Variants in FAM163A observed in about 807,000 individuals in gnomAD.
The protein encoded by FAM163A is protein FAM163A.
Under a neutral mutation model 12.0 loss-of-function variants are expected in FAM163A, and 7 were observed. The ratio of observed to expected loss-of-function variants is 0.58; its 90% CI spans 0.33 to 1.10. The LOEUF is 1.10. Ranked by LOEUF, FAM163A falls within the 50% of genes least tolerant of loss-of-function variation. FAM163A has a pLI of 0.03. For missense variants in FAM163A, 202 were observed against 218.6 expected (o/e 0.92, Z 0.48); for synonymous variants, 101 against 91.0 (o/e 1.11, Z -0.62).
rs1695210295 is a variant in FAM163A at position 179,815,114 on chromosome 1, GACACACACACA to G, written c.*926_*936del. The G allele has an allele frequency of 7.7e-6, 1 of 129,872 alleles. No homozygotes were observed. The highest frequency in any genetic ancestry group is 3.8e-5 in the African/African-American group (1 of 26,556). The allele number at this position is 129,872 out of a possible 1,614,324, so 8.0% of individuals were successfully genotyped here. A position where few individuals can be genotyped will look rare whatever the true frequency, so the allele number is the denominator to read the frequency against. On this transcript the variant is annotated 3_prime_UTR_variant, in exon 5 of 5. Coordinates refer to ENST00000341785, the MANE Select transcript of FAM163A (RefSeq NM_173509.3). ...GTACGCACGCGCGCGCGCGCGCACA[GACACACACACA>G]CACACACACACACACACACACACAC...
intron 1 of FAM163A, among the ~76,000 whole-genome samples, chr1:179,753,756 T>G (rs186983190): frequency 6.6e-6 from 1 of 152,256 alleles, no homozygotes; most frequent in East Asian, 1.9e-4. Context: ...AAGAAGTTTA[T>G]TTTAGAGTGC....
At chr1:179,750,358 G>T (rs1685102516) in intron 1 of FAM163A, among the ~76,000 whole-genome samples, 1 of 152,194 alleles carries the variant, frequency 6.6e-6, no homozygotes, top group Admixed American at 6.5e-5. Flanking sequence ...TAAAGTGGAG[G>T]TGCATGGTAT....
In FAM163A at chr1:179,780,637, C is replaced by T. The variant is rs562514961; in HGVS notation, c.-135-27161C>T. Among the ~76,000 whole-genome samples the T allele has an allele frequency of 2.6e-5, 4 of 152,244 alleles. No individual in the cohort carries two copies. In the South Asian group the frequency reaches 8.3e-4, roughly 32 times the overall value. ...TGCTGAATCAGAAACTTGGGTGGGGCCGGCAATGCACATTTTAACAGGTCC... is the reference window on the plus strand; with the variant it reads ...TGCTGAATCAGAAACTTGGGTGGGGTCGGCAATGCACATTTTAACAGGTCC... On this transcript the variant is annotated intron_variant, in intron 1 of 4. Transcript: ENST00000341785.
In FAM163A at chr1:179,766,916, C is replaced by T. The variant is rs188127872; in HGVS notation, c.-136+23493C>T. 1.1e-4 allele frequency among the ~76,000 whole-genome samples: 16 copies of T among 152,184 alleles called. No homozygotes were observed. In the East Asian group the frequency reaches 1.9e-3, roughly 18 times the overall value. ...GATTACAGGCACATGCCACCACGCTCGGCTAATTTTTATCTTTTTAGTAGA... is the reference window on the plus strand; with the variant it reads ...GATTACAGGCACATGCCACCACGCTTGGCTAATTTTTATCTTTTTAGTAGA... On this transcript the variant is annotated intron_variant, in intron 1 of 4. Coordinates refer to ENST00000341785, the MANE Select transcript of FAM163A (RefSeq NM_173509.3).
chr1:179,810,800 A>AGGCGGGTGGATCACCCACCTT (rs1694603332), intron 2 of FAM163A, among the ~76,000 whole-genome samples: 1 of 152,182 alleles, frequency 6.6e-6, no homozygotes. Context: ...TGGGAGGCCA[A>AGGCGGGTGGATCACCCACCTT]GGCGGGTGGA....
chr1:179,776,603 C>T (rs991958368), intron 1 of FAM163A, among the ~76,000 whole-genome samples: 9 of 152,214 alleles, frequency 5.9e-5, no homozygotes, highest in Admixed American at 2.6e-4. Flanking sequence ...GTGTGTGTAT[C>T]GGCCCTGAGA....
At chr1:179,764,898 T>A (rs1251490392) in intron 1 of FAM163A, among the ~76,000 whole-genome samples, 1 of 152,196 alleles carries the variant, frequency 6.6e-6, no homozygotes, top group Admixed American at 6.5e-5. Flanking sequence ...TATAAAGCCA[T>A]ACGTGAAATG....
chr1:179,731,668 C>A, the FAM163A span, among the ~76,000 whole-genome samples: 1 of 152,154 alleles, frequency 6.6e-6, no homozygotes. Flanking sequence ...CTAAGCATTG[C>A]CAAACTGCAG....
chr1:179,730,663 C>A, the FAM163A span, among the ~76,000 whole-genome samples: 2 of 152,196 alleles, frequency 1.3e-5, no homozygotes, highest in African/African-American at 4.8e-5. Context: ...AAACCAGAAT[C>A]TATATATTTT....
intron 1 of FAM163A, among the ~76,000 whole-genome samples, chr1:179,797,419 G>A (rs1692482537): frequency 1.3e-5 from 2 of 152,070 alleles, no homozygotes; most frequent in African/African-American, 2.4e-5. Context: ...CTGCACTCAC[G>A]CCAGCCCAGG....
intron 1 of FAM163A, among the ~76,000 whole-genome samples, chr1:179,750,548 G>T (rs1482148739): frequency 1.3e-5 from 2 of 152,160 alleles, no homozygotes; most frequent in African/African-American, 2.4e-5. Flanking sequence ...AAAGAATATG[G>T]CATTTTGAGG....
chr1:179,813,172 G>A lies in FAM163A; in HGVS notation c.75G>A (p.Leu25=), dbSNP rs749286978. 1 of 1,551,854 alleles carries A rather than the reference G, an allele frequency of 6.4e-7. No homozygotes were observed. Among genetic ancestry groups the A allele is most frequent in the South Asian group, 1.2e-5 (1 of 84,072 alleles). ...TVILLCIIAV[L]CYCRLQYYCC... is the part of the protein sequence containing the mutation. ...TCCTCCTCTGCATCATTGCCGTCCT[G>A]TGCTACTGCAGGCTCCAGGTCAGTC... Residue 25 remains leucine (L), a synonymous_variant, in exon 4 of 5, where the codon CTG becomes CTA. Transcript: ENST00000341785.
At chr1:179,770,508 TG>T (rs1419601613) in intron 1 of FAM163A, among the ~76,000 whole-genome samples, 1 of 152,154 alleles carries the variant, frequency 6.6e-6, no homozygotes, top group East Asian at 1.9e-4. Context: ...GCCAGAGTCT[TG>T]GGGGCACCTG....
intron 3 of FAM163A, 61 bp from the exon 4 acceptor site, chr1:179,813,015 C>T (rs1694913133): frequency 1.3e-6 from 2 of 1,488,122 alleles, no homozygotes; most frequent in African/African-American, 2.8e-5. Flanking sequence ...GGAAGACTCC[C>T]CCCGGCCCAG....
intron 1 of FAM163A, among the ~76,000 whole-genome samples, chr1:179,766,658 T>G (rs1288977232): frequency 1.3e-5 from 2 of 152,184 alleles, no homozygotes; most frequent in African/African-American, 4.8e-5. Context: ...AAAGGGAACT[T>G]TCTCCTTACA....
At chr1:179,786,350 C>T (rs1690624084) in intron 1 of FAM163A, among the ~76,000 whole-genome samples, 1 of 152,168 alleles carries the variant, frequency 6.6e-6, no homozygotes, top group African/African-American at 2.4e-5. Flanking sequence ...GATTCAGAGC[C>T]AGGCATAAGT....
chr1:179,769,900 CTTTTTTT>C (rs1196869449), intron 1 of FAM163A, among the ~76,000 whole-genome samples: 4 of 97,130 alleles, frequency 4.1e-5, no homozygotes, highest in East Asian at 3.1e-4. Flanking sequence ...ATCCCTAATT[CTTTTTTT>C]TTTTTTTTTT....
chr1:179,747,822 C>T (rs1027850701), intron 1 of FAM163A, among the ~76,000 whole-genome samples: 1 of 152,132 alleles, frequency 6.6e-6, no homozygotes, highest in African/African-American at 2.4e-5. Flanking sequence ...GTACAAGGCA[C>T]AGTTCAGAAA....
chr1:179,807,170 C>T (rs985234984), intron 1 of FAM163A, among the ~76,000 whole-genome samples: 2 of 152,036 alleles, frequency 1.3e-5, no homozygotes, highest in African/African-American at 2.4e-5. Flanking sequence ...GTAAAGAGAC[C>T]CCCAAAAATT....
Sources: gnomAD v4.1 joint callset for allele counts (sites outside exome capture counted in the v4.1 genomes callset) on GRCh38, gnomAD v4.1.1 for gene constraint, MANE v1.5 for transcripts, NCBI Gene and HGNC (gene_info 2026-07-23, HGNC 2026-07-21) for gene names.